Variants in PAPPA2 observed in about 807,000 individuals in gnomAD.
The protein encoded by PAPPA2 is pappalysin-2.
In PAPPA2, 86 loss-of-function variants were observed where a neutral mutation model predicts 176.4. The ratio of observed to expected loss-of-function variants is 0.49; its 90% CI spans 0.41 to 0.58. PAPPA2 has a LOEUF of 0.58. PAPPA2 is among the 20% of genes least tolerant of loss of function. The pLI is 0.00. For missense variants in PAPPA2, 2,073 were observed against 2,256.9 expected (o/e 0.92, Z 1.65); for synonymous variants, 809 against 852.2 (o/e 0.95, Z 0.88).
chr1:176,772,558 T>G (rs1358520683), intron 17 of PAPPA2, among the ~76,000 whole-genome samples: 1 of 152,116 alleles, frequency 6.6e-6, no homozygotes, highest in Non-Finnish European at 1.5e-5. Flanking sequence ...CAGGCTCATA[T>G]GTGGGAGGGG....
At chr1:176,596,534 C>G (rs1653995867) in intron 3 of PAPPA2, among the ~76,000 whole-genome samples, 1 of 152,168 alleles carries the variant, frequency 6.6e-6, no homozygotes, top group Admixed American at 6.5e-5. Context: ...TTAAATCTAT[C>G]AATTACTGTT....
intron 3 of PAPPA2, among the ~76,000 whole-genome samples, chr1:176,618,964 C>T (rs947634756): frequency 1.3e-5 from 2 of 151,922 alleles, no homozygotes; most frequent in African/African-American, 4.8e-5. Flanking sequence ...CAAGAGAGGC[C>T]TCTTCCAAAT....
At chr1:176,825,573 G>A (rs146051742) in intron 21 of PAPPA2, among the ~76,000 whole-genome samples, 34 of 152,336 alleles carry the variant, frequency 2.2e-4, no homozygotes, top group Middle Eastern at 3.4e-3. Flanking sequence ...AAAGAGTTCA[G>A]CATGAAGGTG....
At chr1:176,810,257 C>T (rs1666091236) in intron 21 of PAPPA2, among the ~76,000 whole-genome samples, 1 of 152,068 alleles carries the variant, frequency 6.6e-6, no homozygotes, top group African/African-American at 2.4e-5. Flanking sequence ...TTGCATTCAT[C>T]CATAGAGCTC....
chr1:176,486,474 A>G (rs1652650032), intron 1 of PAPPA2, among the ~76,000 whole-genome samples: 1 of 152,196 alleles, frequency 6.6e-6, no homozygotes, highest in Non-Finnish European at 1.5e-5. Flanking sequence ...TAGAATATGT[A>G]CAACAAGAGA....
rs575062045 is a variant in PAPPA2 at position 176,760,844 on chromosome 1, C to T, written c.4152-4822C>T. The stretch of plus-strand genomic sequence containing the variant: ...TTTTTTTGTTTGTTTGTTTTTGAGA[C>T]AGAGTCTTGCTCTGTCACCCAGGCT... On this transcript the variant is annotated intron_variant, in intron 14 of 22. Transcript: ENST00000367662. Among the ~76,000 whole-genome samples the T allele has an allele frequency of 7.2e-5, 11 of 152,158 alleles. No individual in the cohort carries two copies. The East Asian group carries it at 2.1e-3, about 29-fold the overall frequency.
At chr1:176,635,330 T>C (rs995698904) in intron 3 of PAPPA2, among the ~76,000 whole-genome samples, 2 of 152,188 alleles carry the variant, frequency 1.3e-5, no homozygotes, top group Admixed American at 1.3e-4. Flanking sequence ...TTTATAAAAA[T>C]ACACTTTGGA....
At chr1:176,749,196 T>C (rs949639676) in intron 14 of PAPPA2, among the ~76,000 whole-genome samples, 2 of 140,080 alleles carry the variant, frequency 1.4e-5, no homozygotes, top group South Asian at 2.3e-4. Flanking sequence ...GTGATATGCA[T>C]TGAATTATAA....
Position 176,740,114 on chromosome 1 carries a change from C to A in PAPPA2, c.4069C>A (p.Leu1357Ile), listed in dbSNP as rs775729440. Residue 1357 changes from leucine to isoleucine, a missense_variant, in exon 14 of 23, where the codon CTA becomes ATA. By Grantham distance (5) the Leu-to-Ile change is conservative (BLOSUM62 2). Transcript: ENST00000367662. ...SPRVGISAVA[L>I]RTSSRIGLSA... The stretch of plus-strand genomic sequence containing the variant: ...ACGGGTCGGCATCTCAGCTGTGGCT[C>A]TAAGGACATCCTCCCGCATTGGTCT... The A allele has an allele frequency of 1.9e-6, 3 of 1,613,910 alleles. No homozygotes were observed. In the Admixed American group the frequency reaches 5.0e-5, roughly 27 times the overall value.
chr1:176,829,050 C>T (rs1666971978), intron 21 of PAPPA2, among the ~76,000 whole-genome samples: 1 of 151,946 alleles, frequency 6.6e-6, no homozygotes, highest in Admixed American at 6.6e-5. Context: ...AGAACACTAA[C>T]AAAAACTCAA....
chr1:176,844,569 C>T lies in PAPPA2; in HGVS notation c.*2115C>T, dbSNP rs1667597373. 6.6e-6 allele frequency: 1 copy of T among 152,110 alleles called. No homozygotes were observed. The highest frequency in any genetic ancestry group is 6.6e-5 in the Admixed American group (1 of 15,266). 9.4% of individuals were successfully genotyped at this position (152,110 alleles called of 1,614,324 possible). A position where few individuals can be genotyped will look rare whatever the true frequency, so the allele number is the denominator to read the frequency against. On this transcript the variant is annotated 3_prime_UTR_variant, in exon 23 of 23. Coordinates refer to ENST00000367662, the MANE Select transcript of PAPPA2 (RefSeq NM_020318.3). ...ATGTAGTTCAGATACCATTCATTGTCTTGGGTCATGCTTAGTGCCCCCAAG... is the reference window on the plus strand; with the variant it reads ...ATGTAGTTCAGATACCATTCATTGTTTTGGGTCATGCTTAGTGCCCCCAAG...
At chr1:176,574,624 C>T (rs1193871724) in intron 2 of PAPPA2, among the ~76,000 whole-genome samples, 1 of 152,116 alleles carries the variant, frequency 6.6e-6, no homozygotes, top group Non-Finnish European at 1.5e-5. Flanking sequence ...TCATGAGGCT[C>T]CTGAAGCTAT....
At chr1:176,758,787 G>T (rs1257955389) in intron 14 of PAPPA2, among the ~76,000 whole-genome samples, 4 of 152,184 alleles carry the variant, frequency 2.6e-5, no homozygotes, top group Non-Finnish European at 1.5e-5. Flanking sequence ...GAAAGATTAT[G>T]AGAAACTCTT....
At chr1:176,571,547 A>G (rs527653015) in intron 2 of PAPPA2, among the ~76,000 whole-genome samples, 2 of 152,304 alleles carry the variant, frequency 1.3e-5, no homozygotes, top group East Asian at 3.9e-4. Context: ...ATGTCACAGA[A>G]GGGACCCAGG....
chr1:176,565,512 T>C (rs1026977676), intron 2 of PAPPA2, among the ~76,000 whole-genome samples: 2 of 152,096 alleles, frequency 1.3e-5, no homozygotes, highest in Admixed American at 1.3e-4. Flanking sequence ...CTGGGAAATA[T>C]GACGAAACCC....
intron 6 of PAPPA2, among the ~76,000 whole-genome samples, chr1:176,693,695 A>C (rs1660227707): frequency 6.6e-6 from 1 of 152,138 alleles, no homozygotes; most frequent in Non-Finnish European, 1.5e-5. Context: ...CACCACTTAG[A>C]CCTCACAACC....
intron 2 of PAPPA2, among the ~76,000 whole-genome samples, chr1:176,593,660 G>A (rs1395460): frequency 0.42 from 63,889 of 151,996 alleles, 15,417 homozygotes; most frequent in African/African-American, 0.66. Context: ...TGATCTAGCT[G>A]TTTATGGGTG....
At chr1:176,563,117 C>T (rs1453838154) in intron 2 of PAPPA2, among the ~76,000 whole-genome samples, 3 of 152,142 alleles carry the variant, frequency 2.0e-5, no homozygotes, top group Non-Finnish European at 4.4e-5. Flanking sequence ...GTATTAGGGA[C>T]TCTCAGTTAT....
rs771487501 is a variant in PAPPA2, at chr1:176,710,142, C to G, written c.3617C>G (p.Pro1206Arg). The G allele has an allele frequency of 6.2e-7, 1 of 1,613,498 alleles. No homozygotes were observed. Among genetic ancestry groups the G allele is most frequent in the East Asian group, 2.2e-5 (1 of 44,886 alleles). Residue 1206 changes from proline to arginine, a missense_variant, in exon 11 of 23, where the codon CCT (proline) becomes CGT (arginine). Around this residue, in one of 4 missense-constraint regions of PAPPA2, gnomAD observed 846 missense variants for 857.9 expected, o/e 0.99. Transcript: ENST00000367662. ...TCTCATGAAGACAAGAAGAAGTGTCCTGTTTCCTTGGTAACTGGAGAACCT... is the reference window on the plus strand; with the variant it reads ...TCTCATGAAGACAAGAAGAAGTGTCGTGTTTCCTTGGTAACTGGAGAACCT... ...YSSHEDKKKC[P>R]VSLVTGEPHS...
Sources: allele counts gnomAD v4.1 joint callset (sites outside exome capture counted in the v4.1 genomes callset), GRCh38; gene constraint gnomAD v4.1.1; regional missense constraint gnomAD v4.1.1; transcripts MANE v1.5; gene names NCBI Gene and HGNC (gene_info 2026-07-23, HGNC 2026-07-21).